Variants in B4GALT6 observed in about 807,000 individuals in gnomAD.
The protein encoded by B4GALT6 is UDP-Gal:beta-GlcNAc beta-1,4-galactosyltransferase 6.
B4GALT6 carries 14 observed loss-of-function variants against 46.3 expected under a neutral mutation model. The observed-to-expected ratio is 0.30, with a 90% CI of 0.20 to 0.47. The LOEUF is 0.47. Among genes scored for constraint, B4GALT6 ranks in the 20% least tolerant of loss-of-function variants. B4GALT6 has a pLI of 0.99. For synonymous variants in B4GALT6, 168 were observed against 162.0 expected, an observed-to-expected ratio of 1.04 and a Z score of -0.28; for missense variants, 386 against 480.1, an observed-to-expected ratio of 0.80 and a Z score of 1.83.
At chr18:31,644,596 T>G (rs1447914475) in intron 4 of B4GALT6, among the ~76,000 whole-genome samples, 1 of 152,240 alleles carries the variant, frequency 6.6e-6, no homozygotes, top group Non-Finnish European at 1.5e-5. Flanking sequence ...TACATAAATG[T>G]TATTTCTTAC....
chr18:31,711,963 A>G, the B4GALT6 span, among the ~76,000 whole-genome samples: 4 of 152,084 alleles, frequency 2.6e-5, no homozygotes, highest in South Asian at 2.1e-4. Flanking sequence ...CCTCTCCCCA[A>G]CTGGATGATA....
the B4GALT6 span, among the ~76,000 whole-genome samples, chr18:31,705,978 A>C: frequency 2.0e-5 from 3 of 152,226 alleles, no homozygotes; most frequent in African/African-American, 7.2e-5. Context: ...AATCTTTAAC[A>C]TGTGCTTCTT....
upstream of B4GALT6, among the ~76,000 whole-genome samples, chr18:31,689,807 G>A (rs2030050062): frequency 6.6e-6 from 1 of 152,180 alleles, no homozygotes; most frequent in Non-Finnish European, 1.5e-5. Context: ...GCCCCCTGAA[G>A]GTTGAGGGAA....
upstream of B4GALT6, among the ~76,000 whole-genome samples, chr18:31,688,528 A>G (rs932694847): frequency 1.3e-5 from 2 of 152,160 alleles, no homozygotes; most frequent in African/African-American, 2.4e-5. Flanking sequence ...AAATTTTAAA[A>G]GAAAACCACT....
the B4GALT6 span, among the ~76,000 whole-genome samples, chr18:31,712,492 G>A: frequency 0.64 from 97,431 of 151,322 alleles, 31,665 homozygotes; most frequent in South Asian, 0.7. Context: ...TAGTAGAGAG[G>A]GGGTTTCACT....
chr18:31,640,868 C>T (rs1401737497), intron 4 of B4GALT6, among the ~76,000 whole-genome samples: 1 of 152,232 alleles, frequency 6.6e-6, no homozygotes. Flanking sequence ...GTGAAGCTAG[C>T]TCAGGGGTTT....
the B4GALT6 span, among the ~76,000 whole-genome samples, chr18:31,699,636 G>GA: frequency 0.036 from 3,698 of 104,010 alleles, 107 homozygotes; most frequent in East Asian, 0.15. Flanking sequence ...TCTCTTCCTG[G>GA]AAAAAAAAAA....
intron 5 of B4GALT6, among the ~76,000 whole-genome samples, 187 bp downstream of exon 5, chr18:31,638,457 G>A (rs1331232930): frequency 2.0e-5 from 3 of 152,112 alleles, no homozygotes; most frequent in Admixed American, 6.5e-5. Flanking sequence ...AACCTGGGGG[G>A]CGGAGCTTGC....
At chr18:31,706,215 A>T in the B4GALT6 span, among the ~76,000 whole-genome samples, 1 of 152,278 alleles carries the variant, frequency 6.6e-6, no homozygotes, top group East Asian at 1.9e-4. Context: ...TTTGATGTAC[A>T]TGTACATAGA....
At chr18:31,702,195 A>G in the B4GALT6 span, among the ~76,000 whole-genome samples, 5 of 152,248 alleles carry the variant, frequency 3.3e-5, no homozygotes, top group Admixed American at 6.5e-5. Flanking sequence ...ATAGACTAAT[A>G]CAGACCTCTA....
At chr18:31,723,380 T>G in the B4GALT6 span, among the ~76,000 whole-genome samples, 1 of 152,202 alleles carries the variant, frequency 6.6e-6, no homozygotes, top group Non-Finnish European at 1.5e-5. Flanking sequence ...GTTCTAGTTA[T>G]AGTCGCATTT....
At chr18:31,640,508 G>A (rs921325086) in intron 4 of B4GALT6, among the ~76,000 whole-genome samples, 2 of 152,306 alleles carry the variant, frequency 1.3e-5, no homozygotes, top group Non-Finnish European at 2.9e-5. Context: ...TAATGCTGAT[G>A]GGATAGCAAA....
At chr18:31,673,222 G>A (rs1292923104) in intron 1 of B4GALT6, among the ~76,000 whole-genome samples, 1 of 152,078 alleles carries the variant, frequency 6.6e-6, no homozygotes, top group African/African-American at 2.4e-5. Flanking sequence ...GCCCTGAGTG[G>A]AGATGGGTAG....
the B4GALT6 span, among the ~76,000 whole-genome samples, chr18:31,706,093 CAATA>C: frequency 6.6e-6 from 1 of 151,844 alleles, no homozygotes. Flanking sequence ...AGTAAATGTT[CAATA>C]AATGTTAGAT....
intron 3 of B4GALT6, among the ~76,000 whole-genome samples, chr18:31,652,084 T>G (rs2074078174): frequency 6.6e-6 from 1 of 152,082 alleles, no homozygotes; most frequent in Non-Finnish European, 1.5e-5. Context: ...CTCTCCATCC[T>G]TTCTTTCCAT....
At chr18:31,697,707 G>A in the B4GALT6 span, among the ~76,000 whole-genome samples, 1 of 152,146 alleles carries the variant, frequency 6.6e-6, no homozygotes, top group African/African-American at 2.4e-5. Flanking sequence ...GGATGAGGGG[G>A]CTAGGAACAA....
chr18:31,698,635 GAA>G, the B4GALT6 span, among the ~76,000 whole-genome samples: 20 of 125,126 alleles, frequency 1.6e-4, no homozygotes, highest in South Asian at 4.5e-3. Context: ...TATCTCAAAA[GAA>G]AAAAAAAAAA....
chr18:31,717,836 C>T, the B4GALT6 span, among the ~76,000 whole-genome samples: 1 of 151,850 alleles, frequency 6.6e-6, no homozygotes, highest in Non-Finnish European at 1.5e-5. Context: ...TGCCTGTAAT[C>T]CCAGCTACTC....
chr18:31,711,616 C>A, the B4GALT6 span, among the ~76,000 whole-genome samples: 1 of 152,192 alleles, frequency 6.6e-6, no homozygotes, highest in African/African-American at 2.4e-5. Context: ...ATATACCATA[C>A]AATTTCATCA....
Sources: gnomAD v4.1 joint callset for allele counts (sites outside exome capture counted in the v4.1 genomes callset) on GRCh38, gnomAD v4.1.1 for gene constraint, MANE v1.5 for transcripts, NCBI Gene and HGNC (gene_info 2026-07-23, HGNC 2026-07-21) for gene names.